Variants in RBM20 observed in about 807,000 individuals in gnomAD.
The protein encoded by RBM20 is RNA-binding protein 20.
In RBM20, 51 loss-of-function variants were observed where a neutral mutation model predicts 110.1. The ratio of observed to expected loss-of-function variants is 0.46; its 90% CI spans 0.37 to 0.59. The LOEUF is 0.59. RBM20 is among the 20% of genes least tolerant of loss of function. RBM20 has a pLI of 0.00. For synonymous variants in RBM20, 589 were observed against 618.2 expected (o/e 0.95, Z 0.70); for missense variants, 1,512 against 1,574.9 (o/e 0.96, Z 0.68).
At chr10:110,772,869 A>G (rs1844211891) in intron 1 of RBM20, among the ~76,000 whole-genome samples, 1 of 152,250 alleles carries the variant, frequency 6.6e-6, no homozygotes, top group African/African-American at 2.4e-5. Context: ...AGTGAGTGGA[A>G]CAGACATTAC....
At chr10:110,727,589 T>G (rs891323633) in intron 1 of RBM20, among the ~76,000 whole-genome samples, 3 of 152,154 alleles carry the variant, frequency 2.0e-5, no homozygotes, top group Admixed American at 6.5e-5. Flanking sequence ...ATCACTTCCC[T>G]CTTGGCTCTT....
chr10:110,748,677 C>CTCTCTCTCTCTCTT (rs2134981580), intron 1 of RBM20, among the ~76,000 whole-genome samples: 1 of 152,278 alleles, frequency 6.6e-6, no homozygotes, highest in East Asian at 1.9e-4. Flanking sequence ...CTCTCTCTCT[C>CTCTCTCTCTCTCTT]TCTCTTTCTC....
chr10:110,747,201 C>T (rs994453956), intron 1 of RBM20, among the ~76,000 whole-genome samples: 1 of 151,830 alleles, frequency 6.6e-6, no homozygotes, highest in Non-Finnish European at 1.5e-5. Flanking sequence ...AAAAAATACC[C>T]TCACTAAAAA....
chr10:110,675,540 A>G (rs1294069268), intron 1 of RBM20, among the ~76,000 whole-genome samples: 1 of 152,216 alleles, frequency 6.6e-6, no homozygotes, highest in African/African-American at 2.4e-5. Flanking sequence ...GAAGTCAACC[A>G]ACTTCCAGCG....
At chr10:110,697,054 A>C (rs1862675388) in intron 1 of RBM20, among the ~76,000 whole-genome samples, 1 of 152,216 alleles carries the variant, frequency 6.6e-6, no homozygotes, top group Non-Finnish European at 1.5e-5. Flanking sequence ...TAAGGAAAAA[A>C]ACTTATCCTG....
chr10:110,689,673 C>A (rs1477836452), intron 1 of RBM20, among the ~76,000 whole-genome samples: 1 of 152,196 alleles, frequency 6.6e-6, no homozygotes, highest in Non-Finnish European at 1.5e-5. Context: ...CCGTGGAAAG[C>A]CTTGTTTCCG....
rs2134823810 is a variant in RBM20 at position 110,661,043 on chromosome 10, AC to A, written c.191+16404del. ...GCAGGAGAGTTGTACTCAGTGATTT[AC>A]CCCCCAGGGCCTAGGAGCAATTCCT... On this transcript the variant is annotated intron_variant, in intron 1 of 13. Transcript: ENST00000369519. Among the ~76,000 whole-genome samples the A allele has an allele frequency of 1.3e-5, 2 of 152,058 alleles. 1 individual carries two copies. The highest frequency in any genetic ancestry group is 4.2e-4 in the South Asian group (2 of 4,792).
At chr10:110,819,041 G>C (rs552673479) in intron 9 of RBM20, among the ~76,000 whole-genome samples, 1 of 152,330 alleles carries the variant, frequency 6.6e-6, no homozygotes, top group South Asian at 2.1e-4. Flanking sequence ...CTGGCTCCTA[G>C]TCAGCTCAAG....
intron 1 of RBM20, among the ~76,000 whole-genome samples, chr10:110,672,318 C>T (rs1293186350): frequency 6.6e-6 from 1 of 152,114 alleles, no homozygotes; most frequent in Non-Finnish European, 1.5e-5. Flanking sequence ...CTTCTTAATC[C>T]GCTTTCTGCT....
intron 1 of RBM20, among the ~76,000 whole-genome samples, chr10:110,697,931 T>C (rs1053349110): frequency 6.7e-6 from 1 of 150,160 alleles, no homozygotes; most frequent in East Asian, 2.0e-4. Flanking sequence ...TTTTTGAGAC[T>C]GAGTCTCACT....
chr10:110,767,104 A>C (rs377677310), intron 1 of RBM20, among the ~76,000 whole-genome samples: 2 of 91,766 alleles, frequency 2.2e-5, no homozygotes, highest in Non-Finnish European at 4.6e-5. Flanking sequence ...TCCCTCCCGG[A>C]CGGGGCGGCT....
chr10:110,670,858 C>G (rs1862247538), intron 1 of RBM20, among the ~76,000 whole-genome samples: 1 of 152,126 alleles, frequency 6.6e-6, no homozygotes, highest in Non-Finnish European at 1.5e-5. Context: ...TGTTATTTTT[C>G]TCTTTTGTGT....
chr10:110,746,229 T>C (rs1209273754), intron 1 of RBM20, among the ~76,000 whole-genome samples: 1 of 152,150 alleles, frequency 6.6e-6, no homozygotes, highest in East Asian at 1.9e-4. Flanking sequence ...CTGAGGCCAA[T>C]TGAGGTAGAG....
Position 110,644,485 on chromosome 10 carries a change from G to A in RBM20, c.31G>A (p.Ala11Thr). The A allele has an allele frequency of 6.6e-7, 1 of 1,520,768 alleles. No homozygotes were observed. The highest frequency in any genetic ancestry group is 8.8e-7 in the Non-Finnish European group (1 of 1,138,360). 94.2% of individuals were successfully genotyped at this position (1,520,768 alleles called of 1,614,324 possible). A position where few individuals can be genotyped will look rare whatever the true frequency, so the allele number is the denominator to read the frequency against. Reference sequence around the variant, plus strand: ...GCTGGCAGCAGCCATGAGCCAGGACGCGGACCCCAGCGGTCCGGAGCAGCC... The same window carrying A: ...GCTGGCAGCAGCCATGAGCCAGGACACGGACCCCAGCGGTCCGGAGCAGCC... MVLAAAMSQD[A>T]DPSGPEQPDR... The change falls in exon 1 of 14, where the codon GCG (alanine) becomes ACG (threonine). Residue 11 changes from alanine (A) to threonine (T), a missense_variant. By Grantham distance (58) the Ala-to-Thr change is moderately conservative. This residue lies in a region of RBM20 where 1,149 missense variants were observed against 1,169.4 expected (regional missense o/e 0.98). Transcript: ENST00000369519. This position sits in a 1 kb window ranked among gnomAD's most constrained non-coding sequence, Gnocchi z 4.3.
At chr10:110,682,030 C>T (rs2134861004) in intron 1 of RBM20, among the ~76,000 whole-genome samples, 1 of 152,250 alleles carries the variant, frequency 6.6e-6, no homozygotes, top group Middle Eastern at 3.4e-3. Context: ...GCTGGGATTA[C>T]AGTTGCCCAT....
intron 1 of RBM20, among the ~76,000 whole-genome samples, chr10:110,726,611 G>C (rs192712346): frequency 9.9e-5 from 15 of 152,230 alleles, no homozygotes; most frequent in African/African-American, 3.1e-4. Context: ...TGGTTTTTGA[G>C]GATTAAATGA....
At chr10:110,716,031 T>A (rs1047527527) in intron 1 of RBM20, among the ~76,000 whole-genome samples, 1 of 152,226 alleles carries the variant, frequency 6.6e-6, no homozygotes, top group African/African-American at 2.4e-5. Context: ...TGCAGCAAAG[T>A]TGTCTCAGGA....
intron 1 of RBM20, among the ~76,000 whole-genome samples, chr10:110,725,935 G>GC (rs547675962): frequency 6.6e-6 from 1 of 152,122 alleles, no homozygotes; most frequent in East Asian, 1.9e-4. Context: ...CCTCCTTCCT[G>GC]CCCCCCTCCC....
chr10:110,748,003 T>C (rs1300623401), intron 1 of RBM20, among the ~76,000 whole-genome samples: 1 of 152,242 alleles, frequency 6.6e-6, no homozygotes, highest in African/African-American at 2.4e-5. Flanking sequence ...TATGCTTTTA[T>C]TTACTGTCTT....
Sources: allele counts gnomAD v4.1 joint callset (sites outside exome capture counted in the v4.1 genomes callset), GRCh38; gene constraint gnomAD v4.1.1; regional missense constraint gnomAD v4.1.1; non-coding constraint Gnocchi (gnomAD v3.1); transcripts MANE v1.5; gene names NCBI Gene and HGNC (gene_info 2026-07-23, HGNC 2026-07-21).